Variants in MYH15 observed in about 807,000 individuals in gnomAD.
MYH15 encodes myosin-15.
A neutral mutation model predicts 240.5 loss-of-function variants in MYH15; 227 were observed. The ratio of observed to expected loss-of-function variants is 0.94; its 90% CI spans 0.85 to 1.05. The LOEUF is 1.05. MYH15 is among the 50% of genes least tolerant of loss of function. MYH15 has a pLI of 0.00. For synonymous variants in MYH15, 785 were observed against 796.7 expected, an observed-to-expected ratio of 0.99 and a Z score of 0.25; for missense variants, 2,217 against 2,247.5, an observed-to-expected ratio of 0.99 and a Z score of 0.27.
rs2083667415 is a variant in MYH15 at position 108,526,023 on chromosome 3, AT to A, written c.-58+3239del. 2.0e-5 allele frequency among the ~76,000 whole-genome samples: 3 copies of A among 152,234 alleles called. No homozygotes were observed. In the South Asian group the frequency reaches 6.2e-4, roughly 32 times the overall value. On this transcript the variant is annotated intron_variant, in intron 1 of 41. Transcript: ENST00000273353. Reference sequence around the variant, plus strand: ...GGAAAAAAAAGAAAAGGGAAGAAATATCCTGTTCTGAGCTGCTCATCTATAA... The same window carrying A: ...GGAAAAAAAAGAAAAGGGAAGAAATACCTGTTCTGAGCTGCTCATCTATAA...
chr3:108,407,103 TTAGA>T (rs1226832142), intron 32 of MYH15, among the ~76,000 whole-genome samples: 1 of 152,166 alleles, frequency 6.6e-6, no homozygotes, highest in African/African-American at 2.4e-5. Flanking sequence ...CTGTATAAAG[TTAGA>T]TAGCCTCAGG....
chr3:108,408,087 T>C (rs1313004454), intron 32 of MYH15, among the ~76,000 whole-genome samples, 193 bp downstream of exon 32: 2 of 152,236 alleles, frequency 1.3e-5, no homozygotes, highest in Non-Finnish European at 2.9e-5. Context: ...TGAGTCTCAA[T>C]TTCCTCTTTT....
rs994425055 is a variant in MYH15, at chr3:108,508,957, G to A, written c.88+1486C>T. 3.9e-5 allele frequency among the ~76,000 whole-genome samples: 6 copies of A among 152,132 alleles called. No homozygotes were observed. The East Asian group carries it at 9.6e-4, about 24-fold the overall frequency. The stretch of plus-strand genomic sequence containing the variant: ...GTCCCCACAGCAATGGAGGAAGGCA[G>A]ACCGGACAAGTATTATTATCTCCTT... On this transcript the variant is annotated intron_variant, in intron 1 of 40. Coordinates refer to ENST00000693548, the MANE Select transcript of MYH15 (RefSeq NM_014981.3).
chr3:108,496,947 G>A (rs1260253191), intron 6 of MYH15, among the ~76,000 whole-genome samples: 1 of 151,640 alleles, frequency 6.6e-6, no homozygotes, highest in East Asian at 1.9e-4. Context: ...GGATCACGAG[G>A]TCAGGAGATC....
intron 1 of MYH15, 24 bp from the exon 2 acceptor site, chr3:108,505,853 A>G: frequency 2.4e-6 from 3 of 1,263,296 alleles, no homozygotes; most frequent in Non-Finnish European, 3.4e-6. Flanking sequence ...AAAAAAAAAA[A>G]TGGATTATAG....
Position 108,456,769 on chromosome 3 carries a change from T to A in MYH15, c.2135A>T (p.Gln712Leu), listed in dbSNP as rs764573693. The change falls in exon 19 of 41, where the codon CAA (glutamine) becomes CTA (leucine). Residue 712 changes from glutamine to leucine, a missense_variant. Transcript: ENST00000693548. ...GGATCCTAGAATGTAGGTTTACCTT[T>A]GTTTAAAATCAGCATACTGCAGTCG... ...PNRLQYADFK[Q>L]RYCILNPRTF... 6.2e-7 allele frequency: 1 copy of A among 1,605,960 alleles called. No homozygotes were observed. Among genetic ancestry groups the A allele is most frequent in the Non-Finnish European group, 8.5e-7 (1 of 1,172,786 alleles).
intron 9 of MYH15, among the ~76,000 whole-genome samples, chr3:108,491,968 C>A (rs996376880): frequency 2.6e-5 from 4 of 152,060 alleles, no homozygotes; most frequent in African/African-American, 9.7e-5. Context: ...GAGCCAGACA[C>A]GGTGGTTCAC....
At chr3:108,463,269 TA>T in intron 15 of MYH15, 26 bp from the exon 16 acceptor site, 3 of 1,575,022 alleles carry the variant, frequency 1.9e-6, no homozygotes, top group South Asian at 1.2e-5. Flanking sequence ...CATTTCAGGT[TA>T]AAAAAAGAAA....
intron 9 of MYH15, among the ~76,000 whole-genome samples, chr3:108,486,781 T>C (rs961825407): frequency 1.3e-5 from 2 of 151,930 alleles, no homozygotes; most frequent in African/African-American, 4.8e-5. Context: ...GCAGTTTCAA[T>C]TGGTGTAAAA....
At chr3:108,530,508 G>A (rs1295452791), upstream of MYH15, among the ~76,000 whole-genome samples, 1 of 152,290 alleles carries the variant, frequency 6.6e-6, no homozygotes, top group South Asian at 2.1e-4. Context: ...CACTATAGTG[G>A]TGAATATATT....
At chr3:108,427,280 A>G (rs778369487) in intron 27 of MYH15, among the ~76,000 whole-genome samples, 9 of 152,222 alleles carry the variant, frequency 5.9e-5, no homozygotes, top group Non-Finnish European at 1.2e-4. Context: ...ATGTCCCCCT[A>G]AAATTCATGT....
intron 1 of MYH15, among the ~76,000 whole-genome samples, chr3:108,527,909 T>C (rs1218287257): frequency 6.6e-6 from 1 of 152,230 alleles, no homozygotes; most frequent in African/African-American, 2.4e-5. Flanking sequence ...AGAAATTTAT[T>C]TCTTACAGTT....
At chr3:108,447,469 C>A (rs1201752259) in intron 21 of MYH15, among the ~76,000 whole-genome samples, 1 of 151,700 alleles carries the variant, frequency 6.6e-6, no homozygotes, top group Non-Finnish European at 1.5e-5. Flanking sequence ...TGCAGCAAAA[C>A]AAAAGTAACT....
chr3:108,427,188 C>A (rs1270368644), intron 27 of MYH15, among the ~76,000 whole-genome samples: 4 of 152,198 alleles, frequency 2.6e-5, no homozygotes, highest in Admixed American at 6.5e-5. Flanking sequence ...TCTTTGGAAC[C>A]TATTGAGGTA....
chr3:108,387,596 G>GA (rs11440315), intron 38 of MYH15, among the ~76,000 whole-genome samples: 27,826 of 152,094 alleles, frequency 0.18, 2,724 homozygotes, highest in African/African-American at 0.23. Context: ...ACAATAAGAA[G>GA]AATCAATGGG....
chr3:108,411,666 T>C (rs2082594224), intron 30 of MYH15, among the ~76,000 whole-genome samples: 1 of 152,246 alleles, frequency 6.6e-6, no homozygotes, highest in African/African-American at 2.4e-5. Context: ...GTGTTCTGTT[T>C]CTTACATCTC....
In MYH15 at chr3:108,485,112, G is replaced by T; in HGVS notation, c.1093C>A (p.Leu365Met). The T allele has an allele frequency of 1.2e-6, 2 of 1,614,054 alleles. No homozygotes were observed. The highest frequency in any genetic ancestry group is 1.7e-6 in the Non-Finnish European group (2 of 1,179,954). Residue 365 changes from leucine to methionine, a missense_variant, in exon 11 of 41, where the codon CTG (leucine) becomes ATG (methionine). Physicochemically the swap from Leu to Met is conservative, Grantham distance 15. Coordinates refer to ENST00000693548, the MANE Select transcript of MYH15 (RefSeq NM_014981.3). ...KFKQKPREEQ[L>M]EADGTENADK... The stretch of plus-strand genomic sequence containing the variant: ...TTACTTTCTGTGCCATCTGCTTCCA[G>T]TTGCTCTTCTCTAGGTTTCTGTTTA...
At chr3:108,439,419 C>G (rs2082867397) in intron 24 of MYH15, among the ~76,000 whole-genome samples, 1 of 152,092 alleles carries the variant, frequency 6.6e-6, no homozygotes, top group South Asian at 2.1e-4. Flanking sequence ...GGCAAAATAC[C>G]AGGTTCTGTG....
chr3:108,471,743 C>A (rs1219755482), intron 12 of MYH15, among the ~76,000 whole-genome samples: 1 of 152,134 alleles, frequency 6.6e-6, no homozygotes, highest in African/African-American at 2.4e-5. Flanking sequence ...CAGTATCTCT[C>A]CCCTGTTGCA....
Sources: allele counts gnomAD v4.1 joint callset (sites outside exome capture counted in the v4.1 genomes callset), GRCh38; gene constraint gnomAD v4.1.1; transcripts MANE v1.5; gene names NCBI Gene and HGNC (gene_info 2026-07-23, HGNC 2026-07-21).